LPP: variants seen among roughly 807,000 people sequenced by gnomAD.
The protein encoded by LPP is LIM domain containing preferred translocation partner in lipoma.
Under a neutral mutation model 60.4 loss-of-function variants are expected in LPP, and 38 were observed. The ratio of observed to expected loss-of-function variants is 0.63; its 90% CI spans 0.49 to 0.83. The LOEUF (loss-of-function observed/expected upper bound fraction) is 0.83. Among genes scored for constraint, LPP ranks in the 40% least tolerant of loss-of-function variants. The pLI, the probability that LPP is intolerant of heterozygous loss-of-function variation, is 0.00. For synonymous variants in LPP, 328 were observed against 290.8 expected, an observed-to-expected ratio of 1.13 and a Z score of -1.30; for missense variants, 902 against 783.6, an observed-to-expected ratio of 1.15 and a Z score of -1.80.
intron 7 of LPP, among the ~76,000 whole-genome samples, chr3:188,621,996 A>G (rs1845889000): frequency 6.6e-6 from 1 of 152,146 alleles, no homozygotes; most frequent in African/African-American, 2.4e-5. Context: ...TGAATGCTCT[A>G]AAAGTCAGGG....
chr3:188,486,294 C>T (rs185318667), intron 5 of LPP, among the ~76,000 whole-genome samples: 1 of 152,284 alleles, frequency 6.6e-6, no homozygotes, highest in Admixed American at 6.5e-5. Context: ...AACAAATATT[C>T]TGTATTCCTA....
chr3:188,488,878 C>T lies in LPP; in HGVS notation c.306+4174C>T, dbSNP rs1807450395. On this transcript the variant is annotated intron_variant, in intron 5 of 11. Transcript: ENST00000617246. ...GGTCTCAAACTCCTGACCTTGTGAT[C>T]CACCCGCCTTGGCCTCCCAAAGTGC... Among the ~76,000 whole-genome samples, 2 of 152,096 alleles carry T rather than the reference C, an allele frequency of 1.3e-5. 1 individual carries two copies. The highest frequency in any genetic ancestry group is 4.1e-4 in the South Asian group (2 of 4,824).
intron 7 of LPP, among the ~76,000 whole-genome samples, chr3:188,682,732 C>T: frequency 6.6e-6 from 1 of 152,202 alleles, no homozygotes. Context: ...TGTCAATAAT[C>T]ATCTTGAAAT....
intron 9 of LPP, among the ~76,000 whole-genome samples, chr3:188,783,753 T>C (rs1483986943): frequency 1.3e-5 from 2 of 152,102 alleles, no homozygotes; most frequent in Non-Finnish European, 2.9e-5. Context: ...TCCATTTTTC[T>C]ATCAAGTATT....
At chr3:188,740,287 A>G (rs1723955843) in intron 8 of LPP, among the ~76,000 whole-genome samples, 2 of 152,132 alleles carry the variant, frequency 1.3e-5, no homozygotes. Context: ...CAATGAGTAA[A>G]TGGATCTACC....
chr3:188,825,269 C>CTCTCTCTCTGTGTG (rs1463318065), intron 9 of LPP, among the ~76,000 whole-genome samples: 7 of 101,690 alleles, frequency 6.9e-5, no homozygotes, highest in African/African-American at 1.2e-4. Flanking sequence ...CTCTCTCTCT[C>CTCTCTCTCTGTGTG]TGTGTGTGTG....
At chr3:188,173,974 T>C (rs1421544681) in intron 1 of LPP, among the ~76,000 whole-genome samples, 1 of 152,208 alleles carries the variant, frequency 6.6e-6, no homozygotes, top group East Asian at 1.9e-4. Context: ...TGATCAGTAA[T>C]GTCTCATAGG....
intron 9 of LPP, among the ~76,000 whole-genome samples, chr3:188,781,663 C>T (rs552373215): frequency 6.6e-6 from 1 of 151,582 alleles, no homozygotes; most frequent in East Asian, 1.9e-4. Flanking sequence ...GTGGGTGGAT[C>T]ACGAGGTCAG....
intron 1 of LPP, chr3:188,178,882 C>G (rs143793172): frequency 4.5e-6 from 1 of 220,234 alleles, no homozygotes; most frequent in African/African-American, 2.3e-5. Flanking sequence ...TTCCTAGTAG[C>G]AGGGTGGGTG....
intron 3 of LPP, among the ~76,000 whole-genome samples, chr3:188,368,988 T>C (rs1772176569): frequency 6.6e-6 from 1 of 152,178 alleles, no homozygotes; most frequent in African/African-American, 2.4e-5. Context: ...AAGATGGTGT[T>C]TACAGTTATC....
intron 3 of LPP, among the ~76,000 whole-genome samples, chr3:188,345,415 C>G (rs1764070827): frequency 6.6e-6 from 1 of 152,240 alleles, no homozygotes; most frequent in African/African-American, 2.4e-5. Flanking sequence ...CATCACTCTC[C>G]TCCACCCGCC....
rs931833932 is a variant in LPP at position 188,884,358 on chromosome 3, C to A, written c.*9879C>A. ...TATCGACTTCTTACAGACTACCAAG[C>A]CCCCAGTCATCCAGGGAAATTCAGA... On this transcript the variant is annotated 3_prime_UTR_variant, in exon 12 of 12. Coordinates refer to ENST00000617246, the MANE Select transcript of LPP (RefSeq NM_001375462.1). 5 of 230,188 alleles carry A rather than the reference C, an allele frequency of 2.2e-5. No homozygotes were observed. The highest frequency in any genetic ancestry group is 1.1e-4 in the African/African-American group (5 of 45,146). The allele number at this position is 230,188 out of a possible 1,614,324, so 14.3% of individuals were successfully genotyped here.
At chr3:188,757,892 T>TTTTG (rs1257501934) in intron 8 of LPP, among the ~76,000 whole-genome samples, 10 of 146,784 alleles carry the variant, frequency 6.8e-5, no homozygotes, top group African/African-American at 2.5e-4. Flanking sequence ...TTTTTTGGTT[T>TTTTG]TTTTTTTTTT....
At chr3:188,672,913 T>A (rs1345353761) in intron 7 of LPP, among the ~76,000 whole-genome samples, 1 of 152,084 alleles carries the variant, frequency 6.6e-6, no homozygotes, top group Non-Finnish European at 1.5e-5. Flanking sequence ...TATCTATAAT[T>A]TAGTTTTTGA....
intron 2 of LPP, among the ~76,000 whole-genome samples, chr3:188,295,479 C>A (rs1222958787): frequency 6.6e-6 from 1 of 152,182 alleles, no homozygotes; most frequent in Non-Finnish European, 1.5e-5. Context: ...CAATTAGGCC[C>A]TTCGTTGAGC....
intron 6 of LPP, among the ~76,000 whole-genome samples, chr3:188,555,301 T>A (rs973591315): frequency 6.6e-6 from 1 of 152,076 alleles, no homozygotes; most frequent in Non-Finnish European, 1.5e-5. Context: ...TCATAGGACC[T>A]CTTATTCTTA....
intron 3 of LPP, among the ~76,000 whole-genome samples, chr3:188,386,633 A>AT (rs1311785871): frequency 6.6e-6 from 1 of 152,236 alleles, no homozygotes; most frequent in African/African-American, 2.4e-5. Flanking sequence ...AATGATAATA[A>AT]TGCAAGCTGA....
At chr3:188,458,090 C>T (rs1420390450) in intron 4 of LPP, among the ~76,000 whole-genome samples, 2 of 152,166 alleles carry the variant, frequency 1.3e-5, no homozygotes, top group African/African-American at 4.8e-5. Flanking sequence ...TTACCTCAGG[C>T]ATTCACAAGT....
intron 2 of LPP, among the ~76,000 whole-genome samples, chr3:188,324,699 G>T (rs1357820264): frequency 6.6e-6 from 1 of 152,070 alleles, no homozygotes; most frequent in Non-Finnish European, 1.5e-5. Flanking sequence ...TACTTTTATG[G>T]TTTCCCCTTG....
Sources: gnomAD v4.1 joint callset for allele counts (sites outside exome capture counted in the v4.1 genomes callset) on GRCh38, gnomAD v4.1.1 for gene constraint, MANE v1.5 for transcripts, NCBI Gene and HGNC (gene_info 2026-07-23, HGNC 2026-07-21) for gene names.